The following C8B variants were observed in gnomAD, a reference collection of about 807,000 sequenced individuals.
The protein encoded by C8B is complement component C8 beta chain.
In C8B, 67 loss-of-function variants were observed where a neutral mutation model predicts 64.6. The ratio of observed to expected loss-of-function variants is 1.04; its 90% CI spans 0.85 to 1.27. C8B has a LOEUF of 1.27. C8B is among the 50% of genes most tolerant of loss of function. The pLI, the probability that C8B is intolerant of heterozygous loss-of-function variation, is 0.00. For synonymous variants in C8B, 284 were observed against 257.7 expected (o/e 1.10, Z -0.98); for missense variants, 790 against 725.2 (o/e 1.09, Z -1.03).
chr1:56,953,182 C>T (rs1489976604), intron 4 of C8B, among the ~76,000 whole-genome samples: 2 of 152,134 alleles, frequency 1.3e-5, no homozygotes, highest in Admixed American at 6.6e-5. Context: ...GGCAAGCTTC[C>T]ATTCTTGACC....
intron 10 of C8B, 130 bp from the exon 11 acceptor site, chr1:56,932,008 T>C: frequency 1.4e-6 from 1 of 704,732 alleles, no homozygotes; most frequent in Non-Finnish European, 2.5e-6. Flanking sequence ...TGGCTTGCTA[T>C]AGGCAGGTTC....
chr1:56,965,906 G>T lies in C8B; in HGVS notation c.43C>A (p.Leu15Ile). The T allele has an allele frequency of 1.2e-6, 2 of 1,613,948 alleles. No individual in the cohort carries two copies. Among genetic ancestry groups the T allele is most frequent in the African/African-American group, 2.7e-5 (2 of 74,980 alleles). ...RTWAWRAPVELFLLCAALGCL... is the reference protein window; with the variant it reads ...RTWAWRAPVEIFLLCAALGCL... Reference sequence around the variant, plus strand: ...CCCAGGGCAGCACAGAGAAGAAATAGCTCCACCGGCGCCCTCCAAGCCCAT... The same window carrying T: ...CCCAGGGCAGCACAGAGAAGAAATATCTCCACCGGCGCCCTCCAAGCCCAT... The change falls in exon 1 of 12, where the codon CTA (leucine) becomes ATA (isoleucine). Residue 15 changes from leucine to isoleucine, a missense_variant. Leu to Ile is a conservative substitution (Grantham distance 5). Coordinates refer to ENST00000371237, the MANE Select transcript of C8B (RefSeq NM_000066.4).
At chr1:56,963,422 G>A (rs995043526) in intron 1 of C8B, among the ~76,000 whole-genome samples, 6 of 152,116 alleles carry the variant, frequency 3.9e-5, no homozygotes, top group African/African-American at 1.4e-4. Context: ...TTGCTAGAAG[G>A]GGCAGCTTCT....
intron 1 of C8B, among the ~76,000 whole-genome samples, chr1:56,965,353 T>G (rs1293307166): frequency 6.6e-6 from 1 of 151,434 alleles, no homozygotes; most frequent in African/African-American, 2.4e-5. Flanking sequence ...AGCCAGCATT[T>G]AACTGCTGGG....
Position 56,940,913 on chromosome 1 carries a change from G to T in C8B, c.1334C>A (p.Thr445Lys), listed in dbSNP as rs138837336. The T allele has an allele frequency of 6.2e-7, 1 of 1,614,028 alleles. No homozygotes were observed. The highest frequency in any genetic ancestry group is 8.5e-7 in the Non-Finnish European group (1 of 1,179,998). The change falls in exon 9 of 12, where the codon ACG (threonine) becomes AAG (lysine). Residue 445 changes from threonine to lysine, a missense_variant. Physicochemically the swap from Thr to Lys is moderately conservative, Grantham distance 78. Transcript: ENST00000371237. ...ITTLAYQELP[T>K]ADLMQEWGDA... ...TCCCCACTCCTGCATCAGGTCCGCC[G>T]TCGGCAGCTCCTGGTATGCCAGGGT...
At chr1:56,964,981 G>A (rs1645232014) in intron 1 of C8B, among the ~76,000 whole-genome samples, 1 of 152,172 alleles carries the variant, frequency 6.6e-6, no homozygotes. Flanking sequence ...GATAGTGAAC[G>A]AATGCTCATC....
rs777890753 is a variant in C8B at position 56,929,455 on chromosome 1, A to G, written c.1725T>C (p.Asn575=). 27 of 1,612,800 alleles carry G rather than the reference A, an allele frequency of 1.7e-5. No homozygotes were observed. The highest frequency in any genetic ancestry group is 2.3e-5 in the Non-Finnish European group (27 of 1,179,920). ...CAGGGCCTGAACAGGGGCTACCCCC[A>G]TTTTGAGGAGGTGGATTGTTACACT... The part of the protein sequence containing the change: ...QRQCNNPPPQ[N]GGSPCSGPAS... Residue 575 remains asparagine (N), a synonymous_variant, in exon 12 of 12, where the codon AAT becomes AAC. Transcript: ENST00000371237.
chr1:56,929,322 G>T lies in C8B; in HGVS notation c.*82C>A. On this transcript the variant is annotated 3_prime_UTR_variant, in exon 12 of 12. Transcript: ENST00000371237. ...TTTGCCCTTGCATGAACTCCAGGTG[G>T]AAACTGGTGTAGGGCTGAGCTGGCA... 1 of 1,463,522 alleles carries T rather than the reference G, an allele frequency of 6.8e-7. No homozygotes were observed. Among genetic ancestry groups the T allele is most frequent in the African/African-American group, 1.4e-5 (1 of 72,004 alleles). The allele number at this position is 1,463,522 out of a possible 1,614,324, so 90.7% of individuals were successfully genotyped here. A position where few individuals can be genotyped will look rare whatever the true frequency, so the allele number is the denominator to read the frequency against.
chr1:56,942,587 C>G (rs1374434576), intron 8 of C8B, among the ~76,000 whole-genome samples: 1 of 152,006 alleles, frequency 6.6e-6, no homozygotes, highest in Non-Finnish European at 1.5e-5. Context: ...TGCCTGTAGT[C>G]CCAGCTTTTG....
At chr1:56,960,988 G>C (rs1645171676) in intron 1 of C8B, among the ~76,000 whole-genome samples, 1 of 152,148 alleles carries the variant, frequency 6.6e-6, no homozygotes, top group South Asian at 2.1e-4. Flanking sequence ...GAAAGCTATG[G>C]AAGAGGAGGA....
intron 8 of C8B, among the ~76,000 whole-genome samples, 174 bp downstream of exon 8, chr1:56,943,522 G>T (rs1253887175): frequency 6.6e-6 from 1 of 152,184 alleles, no homozygotes; most frequent in African/African-American, 2.4e-5. Flanking sequence ...GCAACACTAA[G>T]TCATGTTAGT....
At chr1:56,961,274 A>T (rs1430223283) in intron 1 of C8B, among the ~76,000 whole-genome samples, 1 of 152,216 alleles carries the variant, frequency 6.6e-6, no homozygotes, top group Non-Finnish European at 1.5e-5. Flanking sequence ...GCACAAAAAG[A>T]GATGGGAAGA....
rs200647490 is a variant in C8B at position 56,954,704 on chromosome 1, A to G, written c.515T>C (p.Ile172Thr). The part of the protein sequence containing the change: ...CQHEMDQYWG[I>T]GSLASGINLF... ...CACTTACCCACTGGCCAGACTGCCA[A>G]TTCCCCAGTATTGGTCCATTTCATG... Residue 172 changes from isoleucine (I) to threonine (T), a missense_variant, in exon 4 of 12, where the codon ATT becomes ACT. Physicochemically the swap from Ile to Thr is moderately conservative, Grantham distance 89. Transcript: ENST00000371237. 1.7e-5 allele frequency: 27 copies of G among 1,614,128 alleles called. 1 individual carries two copies. The highest frequency in any genetic ancestry group is 1.6e-4 in the South Asian group (15 of 91,074).
chr1:56,960,120 C>T lies in C8B; in HGVS notation c.149G>A (p.Ser50Asn). 1 of 1,614,162 alleles carries T rather than the reference C, an allele frequency of 6.2e-7. No homozygotes were observed. The change falls in exon 2 of 12, where the codon AGC becomes AAC. Residue 50 changes from serine to asparagine, a missense_variant. Coordinates refer to ENST00000371237, the MANE Select transcript of C8B (RefSeq NM_000066.4). Reference protein sequence around the residue: ...SNAVNKSFAKSRQMRSVDVTL... With the variant: ...SNAVNKSFAKNRQMRSVDVTL... ...AACATCCACACTCCGCATCTGTCTGCTCTTAGCAAAGCTCTTGTTGACTGC... is the reference window on the plus strand; with the variant it reads ...AACATCCACACTCCGCATCTGTCTGTTCTTAGCAAAGCTCTTGTTGACTGC...
At chr1:56,948,884 G>A (rs1644980619) in intron 6 of C8B, among the ~76,000 whole-genome samples, 1 of 152,118 alleles carries the variant, frequency 6.6e-6, no homozygotes, top group South Asian at 2.1e-4. Flanking sequence ...CTCCAGAGAA[G>A]TTCTGGTCTT....
intron 2 of C8B, 38 bp from the exon 3 acceptor site, chr1:56,956,948 C>G (rs766831248): frequency 3.7e-6 from 6 of 1,612,844 alleles, no homozygotes; most frequent in Non-Finnish European, 3.4e-6. Flanking sequence ...AAGGGTAAAG[C>G]CTTAGATCTC....
At chr1:56,931,673 T>C (rs751659028) in intron 11 of C8B, 137 bp downstream of exon 11, 27 of 668,536 alleles carry the variant, frequency 4.0e-5, no homozygotes, top group Middle Eastern at 2.4e-4. Context: ...AGATGGAATT[T>C]CAATCCAAGC....
At chr1:56,955,910 A>G (rs1168666027) in intron 3 of C8B, among the ~76,000 whole-genome samples, 10 of 152,316 alleles carry the variant, frequency 6.6e-5, no homozygotes, top group Middle Eastern at 6.8e-3. Flanking sequence ...GAAATAGAGA[A>G]CCATCTGTTT....
At chr1:56,959,589 C>T (rs995482280) in intron 2 of C8B, 3 of 1,535,324 alleles carry the variant, frequency 2.0e-6, no homozygotes, top group Non-Finnish European at 2.6e-6. Flanking sequence ...TACAAGTGTC[C>T]ATTGTGCTGG....
Sources: allele counts gnomAD v4.1 joint callset (sites outside exome capture counted in the v4.1 genomes callset), GRCh38; gene constraint gnomAD v4.1.1; transcripts MANE v1.5; gene names NCBI Gene and HGNC (gene_info 2026-07-23, HGNC 2026-07-21).